The following SHISA9 variants were observed in gnomAD, a reference collection of about 807,000 sequenced individuals.
SHISA9 encodes the protein protein shisa-9.
A neutral mutation model predicts 38.0 loss-of-function variants in SHISA9; 13 were observed. That is an observed-to-expected ratio of 0.34 (90% CI 0.22 to 0.54). The LOEUF (loss-of-function observed/expected upper bound fraction) is 0.54. Ranked by LOEUF, SHISA9 falls within the 20% of genes least tolerant of loss-of-function variation. The pLI is 0.91. For missense variants in SHISA9, 538 were observed against 575.8 expected (o/e 0.93, Z 0.67); for synonymous variants, 275 against 242.0 (o/e 1.14, Z -1.27).
intron 2 of SHISA9, among the ~76,000 whole-genome samples, chr16:13,055,975 T>A (rs16961064): frequency 6.6e-6 from 1 of 152,142 alleles, no homozygotes. Context: ...GTCACACATG[T>A]GGTTTTCATG....
At chr16:13,227,393 A>G (rs1021236096) in intron 4 of SHISA9, among the ~76,000 whole-genome samples, 4 of 152,308 alleles carry the variant, frequency 2.6e-5, no homozygotes, top group Admixed American at 2.6e-4. Context: ...TGTTGGTTTG[A>G]CAGTTGTGCT....
chr16:13,139,039 T>C (rs2050374555), intron 2 of SHISA9, among the ~76,000 whole-genome samples: 1 of 152,196 alleles, frequency 6.6e-6, no homozygotes, highest in South Asian at 2.1e-4. Flanking sequence ...AAGTTGCGAA[T>C]TAGAGGAATG....
At chr16:13,061,033 G>A (rs920025898) in intron 2 of SHISA9, among the ~76,000 whole-genome samples, 1 of 152,128 alleles carries the variant, frequency 6.6e-6, no homozygotes, top group Non-Finnish European at 1.5e-5. Context: ...GGACCTTGTG[G>A]TCCCAATGCT....
chr16:13,544,119 A>G, the SHISA9 span, among the ~76,000 whole-genome samples: 1 of 152,100 alleles, frequency 6.6e-6, no homozygotes, highest in African/African-American at 2.4e-5. Context: ...TTAACACTTA[A>G]CACCTCTTTG....
chr16:13,501,356 G>A, the SHISA9 span, among the ~76,000 whole-genome samples: 1 of 152,058 alleles, frequency 6.6e-6, no homozygotes, highest in East Asian at 1.9e-4. Flanking sequence ...AACTACAAAA[G>A]TCATTTAGGA....
At chr16:13,275,917 T>TA in the SHISA9 span, among the ~76,000 whole-genome samples, 4 of 151,840 alleles carry the variant, frequency 2.6e-5, no homozygotes, top group South Asian at 2.1e-4. Flanking sequence ...TTTTTATTTT[T>TA]AAAAAAAATT....
the SHISA9 span, among the ~76,000 whole-genome samples, chr16:13,251,411 T>C: frequency 6.6e-6 from 1 of 152,172 alleles, no homozygotes; most frequent in African/African-American, 2.4e-5. Flanking sequence ...GCTTTAAAGC[T>C]CTTGCTTTCT....
intron 3 of SHISA9, among the ~76,000 whole-genome samples, chr16:13,206,870 T>C (rs1047529579): frequency 2.6e-5 from 4 of 152,200 alleles, no homozygotes; most frequent in Admixed American, 2.6e-4. Context: ...TCAGTGTTAC[T>C]AGGAAGGGAT....
intron 2 of SHISA9, among the ~76,000 whole-genome samples, chr16:13,170,824 T>C (rs967558449): frequency 6.6e-6 from 1 of 152,076 alleles, no homozygotes; most frequent in Non-Finnish European, 1.5e-5. Context: ...GCCCAGCTAG[T>C]TTTTGTATTT....
chr16:12,963,555 G>A (rs150251134), intron 2 of SHISA9, among the ~76,000 whole-genome samples: 22 of 152,350 alleles, frequency 1.4e-4, no homozygotes, highest in African/African-American at 5.3e-4. Context: ...TCCTTATTAT[G>A]TGCCAAGTGC....
intron 2 of SHISA9, among the ~76,000 whole-genome samples, chr16:13,193,246 C>A (rs2050904198): frequency 6.6e-6 from 1 of 152,218 alleles, no homozygotes. Context: ...TTTGGGCACT[C>A]AACCTCTCTG....
intron 2 of SHISA9, among the ~76,000 whole-genome samples, chr16:12,981,779 G>A (rs574829144): frequency 9.2e-5 from 14 of 152,202 alleles, no homozygotes; most frequent in Middle Eastern, 3.4e-3. Flanking sequence ...TCATATGGGT[G>A]GACTCTAACC....
the SHISA9 span, among the ~76,000 whole-genome samples, chr16:13,461,082 C>T: frequency 5.9e-5 from 9 of 152,156 alleles, no homozygotes; most frequent in Non-Finnish European, 1.2e-4. Context: ...GCTCAAACAT[C>T]TTTGGCAAAT....
intron 2 of SHISA9, among the ~76,000 whole-genome samples, chr16:13,018,481 G>A (rs1195897799): frequency 1.3e-5 from 2 of 152,180 alleles, no homozygotes; most frequent in Non-Finnish European, 2.9e-5. Context: ...TCCACCTCAT[G>A]GCTTACCTTT....
In SHISA9 at chr16:13,235,705, A is replaced by G. The variant is rs960214368; in HGVS notation, c.*296A>G. ...CAAGATGGCCAACTCACATGCCCAA[A>G]CCGTGGGGCTGAGTTTTCTTTTCCT... On this transcript the variant is annotated 3_prime_UTR_variant, in exon 5 of 5. Coordinates refer to ENST00000558583, the MANE Select transcript of SHISA9 (RefSeq NM_001145204.3). 1 of 361,112 alleles carries G rather than the reference A, an allele frequency of 2.8e-6. No homozygotes were observed. The highest frequency in any genetic ancestry group is 5.0e-6 in the Non-Finnish European group (1 of 201,250). 22.4% of individuals were successfully genotyped at this position (361,112 alleles called of 1,614,324 possible).
In SHISA9 at chr16:13,235,641, C is replaced by A. The variant is rs973880827; in HGVS notation, c.*232C>A. 19 of 525,528 alleles carry A rather than the reference C, an allele frequency of 3.6e-5. No homozygotes were observed. Among genetic ancestry groups the A allele is most frequent in the Admixed American group, 1.1e-4 (3 of 27,270 alleles). The allele number at this position is 525,528 out of a possible 1,614,324, so 32.6% of individuals were successfully genotyped here. A position where few individuals can be genotyped will look rare whatever the true frequency, so the allele number is the denominator to read the frequency against. On this transcript the variant is annotated 3_prime_UTR_variant, in exon 5 of 5. Transcript: ENST00000558583. The stretch of plus-strand genomic sequence containing the variant: ...GAAGCGTGGACATTCAGCAATACAG[C>A]AAAGGGGAAAATGAGGCACACTCTT...
the SHISA9 span, among the ~76,000 whole-genome samples, chr16:13,493,789 G>C: frequency 2.6e-5 from 4 of 152,196 alleles, no homozygotes; most frequent in Non-Finnish European, 5.9e-5. Flanking sequence ...TATGTGCTAA[G>C]TGCTTTGCCT....
the SHISA9 span, among the ~76,000 whole-genome samples, chr16:13,356,278 T>A: frequency 2.0e-5 from 3 of 152,210 alleles, no homozygotes; most frequent in East Asian, 5.8e-4. Context: ...TAAAATGTAT[T>A]TTGAGAATAA....
At chr16:13,297,914 G>A in the SHISA9 span, among the ~76,000 whole-genome samples, 4 of 152,096 alleles carry the variant, frequency 2.6e-5, no homozygotes, top group South Asian at 4.1e-4. Context: ...GCGCCACCAC[G>A]TCCAGGTAAT....
Sources: allele counts gnomAD v4.1 joint callset (sites outside exome capture counted in the v4.1 genomes callset), GRCh38; gene constraint gnomAD v4.1.1; transcripts MANE v1.5; gene names NCBI Gene and HGNC (gene_info 2026-07-23, HGNC 2026-07-21).